The following NUTM1 variants were observed in gnomAD, a reference collection of about 807,000 sequenced individuals.
The protein encoded by NUTM1 is NUT family member 1.
NUTM1 carries 39 observed loss-of-function variants against 88.7 expected under a neutral mutation model. That is an observed-to-expected ratio of 0.44 (90% confidence interval 0.34 to 0.57). The LOEUF is 0.57. Among genes scored for constraint, NUTM1 ranks in the 20% least tolerant of loss-of-function variants. NUTM1 has a pLI of 0.01. For synonymous variants in NUTM1, 494 were observed against 538.0 expected, an observed-to-expected ratio of 0.92 and a Z score of 1.13; for missense variants, 1,350 against 1,414.5, an observed-to-expected ratio of 0.95 and a Z score of 0.73.
rs1444481032 is a variant in NUTM1, at chr15:34,347,884, AAAAAT to A, written c.101-80_101-76del. The A allele has an allele frequency of 7.2e-5, 48 of 666,414 alleles. No individual in the cohort carries two copies. In the African/African-American group the frequency reaches 7.6e-4, roughly 10 times the overall value. The allele number at this position is 666,414 out of a possible 1,614,324, so 41.3% of individuals were successfully genotyped here. On this transcript the variant is annotated intron_variant, in intron 2 of 7. Coordinates refer to ENST00000537011, the MANE Select transcript of NUTM1 (RefSeq NM_001284292.2). ...TAAAAATAAAAATAAAAATAAAAATAAAAATAAAAAAATGGGGAATTCAGATGGCT... is the reference window on the plus strand; with the variant it reads ...TAAAAATAAAAATAAAAATAAAAATAAAAAAAATGGGGAATTCAGATGGCT...
chr15:34,347,930 T>A (rs1193355385), intron 2 of NUTM1, 39 bp from the exon 3 acceptor site: 1 of 1,287,410 alleles, frequency 7.8e-7, no homozygotes, highest in East Asian at 2.4e-5. Flanking sequence ...TGGTCTTCTT[T>A]TCTCCTACTC....
At chr15:34,352,230 C>T (rs978932456) in intron 4 of NUTM1, among the ~76,000 whole-genome samples, 1 of 152,190 alleles carries the variant, frequency 6.6e-6, no homozygotes, top group Non-Finnish European at 1.5e-5. Context: ...CCAAGCTTAG[C>T]TTCCACTTAC....
In NUTM1 at chr15:34,343,691, T is replaced by C. The variant is rs1890528622; in HGVS notation, c.-6T>C. 6.5e-7 allele frequency: 1 copy of C among 1,534,348 alleles called. No individual in the cohort carries two copies. The highest frequency in any genetic ancestry group is 2.0e-5 in the Admixed American group (1 of 50,974). On this transcript the variant is annotated 5_prime_UTR_variant, in exon 1 of 8. Transcript: ENST00000537011. ...GGTCCCTACCGCAAATTCAGCGCTC[T>C]TTCTTATGGTGGTGAGTAGCTAATA...
chr15:34,356,759 T>C lies in NUTM1; in HGVS notation c.2751T>C (p.Asn917=). 1.2e-6 allele frequency: 2 copies of C among 1,612,478 alleles called. No homozygotes were observed. The highest frequency in any genetic ancestry group is 1.7e-6 in the Non-Finnish European group (2 of 1,179,580). ...EASQEAGSRG[N]SFSPLLETIE... The stretch of plus-strand genomic sequence containing the variant: ...GTCAAGAGGCAGGGAGCAGAGGCAA[T>C]TCCTTTTCTCCTCTGTTGGAAACCA... The change falls in exon 8 of 8, where the codon AAT becomes AAC. Residue 917 remains asparagine (N), a synonymous_variant. Coordinates refer to ENST00000537011, the MANE Select transcript of NUTM1 (RefSeq NM_001284292.2).
chr15:34,357,440 G>C lies in NUTM1; in HGVS notation c.3432G>C (p.Arg1144=). ...GACCCTCACAGCCTCGTAAAAGGCGGTGTGACAGTTTTGTCACGGGCAGAA... is the reference window on the plus strand; with the variant it reads ...GACCCTCACAGCCTCGTAAAAGGCGCTGTGACAGTTTTGTCACGGGCAGAA... ...VVRPSQPRKR[R]CDSFVTGRRK... is the part of the protein sequence containing the mutation. Residue 1144 remains arginine (R), a synonymous_variant, in exon 8 of 8, where the codon CGG becomes CGC. Transcript: ENST00000537011. The C allele has an allele frequency of 6.2e-7, 1 of 1,613,198 alleles. No homozygotes were observed. Among genetic ancestry groups the C allele is most frequent in the Non-Finnish European group, 8.5e-7 (1 of 1,179,722 alleles).
rs762364000 is a variant in NUTM1, at chr15:34,345,932, C to T, written c.7-10C>T. 1.2e-6 allele frequency: 2 copies of T among 1,613,904 alleles called. No homozygotes were observed. The highest frequency in any genetic ancestry group is 1.3e-5 in the African/African-American group (1 of 75,034). ...CCTTCCTTGGATCCCTGTGCACCTACTGGAGCCAGGTTACTCTGGGTCCTG... is the reference window on the plus strand; with the variant it reads ...CCTTCCTTGGATCCCTGTGCACCTATTGGAGCCAGGTTACTCTGGGTCCTG... On this transcript the variant is annotated splice_polypyrimidine_tract_variant and intron_variant, in intron 1 of 7. Coordinates refer to ENST00000537011, the MANE Select transcript of NUTM1 (RefSeq NM_001284292.2).
In NUTM1 at chr15:34,357,618, G is replaced by C. The variant is rs1890845678; in HGVS notation, c.*127G>C. 2.5e-6 allele frequency: 4 copies of C among 1,574,530 alleles called. No homozygotes were observed. Among genetic ancestry groups the C allele is most frequent in the Non-Finnish European group, 3.5e-6 (4 of 1,157,076 alleles). ...AATCTCATCCCAATGTTGTTTTGTT[G>C]TTCTGCAAAAGTGGCAAGCATGGAG... is the stretch of plus-strand genomic sequence containing the variant. On this transcript the variant is annotated 3_prime_UTR_variant, in exon 8 of 8. Coordinates refer to ENST00000537011, the MANE Select transcript of NUTM1 (RefSeq NM_001284292.2).
Position 34,357,139 on chromosome 15 carries a change from A to G in NUTM1, c.3131A>G (p.Glu1044Gly), listed in dbSNP as rs910223872. ...AAGGAAGCAGAGGAAGAGGATGAGGAACTCTCCAACTTTGCTTACCTCTTG... is the reference window on the plus strand; with the variant it reads ...AAGGAAGCAGAGGAAGAGGATGAGGGACTCTCCAACTTTGCTTACCTCTTG... Reference protein sequence around the residue: ...KKKEAEEEDEELSNFAYLLAS... With the variant: ...KKKEAEEEDEGLSNFAYLLAS... The change falls in exon 8 of 8, where the codon GAA becomes GGA. Residue 1044 changes from glutamate to glycine, a missense_variant. Transcript: ENST00000537011. 6.2e-7 allele frequency: 1 copy of G among 1,614,076 alleles called. No individual in the cohort carries two copies. Among genetic ancestry groups the G allele is most frequent in the Non-Finnish European group, 8.5e-7 (1 of 1,180,028 alleles).
rs1890818980 is a variant in NUTM1 at position 34,356,670 on chromosome 15, C to T, written c.2662C>T (p.Pro888Ser). 4 of 1,613,814 alleles carry T rather than the reference C, an allele frequency of 2.5e-6. No homozygotes were observed. In the African/African-American group the frequency reaches 4.0e-5, roughly 16 times the overall value. ...GGGGTCTTCCAAAGAAACCCTTCCACCCACATGCCAAGGCAATCTCCTTAT... is the reference window on the plus strand; with the variant it reads ...GGGGTCTTCCAAAGAAACCCTTCCATCCACATGCCAAGGCAATCTCCTTAT... The part of the protein sequence containing the change: ...TLGSSKETLP[P>S]TCQGNLLIMG... The change falls in exon 8 of 8, where the codon CCC becomes TCC. Residue 888 changes from proline (P) to serine (S), a missense_variant. By Grantham distance (74) the Pro-to-Ser change is moderately conservative. Around this residue, in one of 5 missense-constraint regions of NUTM1, gnomAD observed 730 missense variants for 728.8 expected, o/e 1.00. Coordinates refer to ENST00000537011, the MANE Select transcript of NUTM1 (RefSeq NM_001284292.2).
Position 34,343,484 on chromosome 15 carries a change from G to C in NUTM1, c.-213G>C. ...CAGGATTCAGAGCCCCTTTACCCTA[G>C]GGAAGAAAGAAGAGGTTTTCTTCCC... is the stretch of plus-strand genomic sequence containing the variant. On this transcript the variant is annotated 5_prime_UTR_variant, in exon 1 of 8. The change abolishes the stop of an existing upstream ORF in the 5' untranslated region. Transcript: ENST00000537011. 1 of 1,141,278 alleles carries C rather than the reference G, an allele frequency of 8.8e-7. No individual in the cohort carries two copies. Among genetic ancestry groups the C allele is most frequent in the Non-Finnish European group, 1.2e-6 (1 of 820,074 alleles). The allele number at this position is 1,141,278 out of a possible 1,614,324, so 70.7% of individuals were successfully genotyped here. A position where few individuals can be genotyped will look rare whatever the true frequency, so the allele number is the denominator to read the frequency against.
chr15:34,349,911 C>T (rs142769209), intron 3 of NUTM1, among the ~76,000 whole-genome samples: 1,720 of 152,260 alleles, frequency 0.011, 14 homozygotes, highest in Middle Eastern at 0.024. Flanking sequence ...TGCTTTGGGT[C>T]CTGGTCTGCT....
chr15:34,354,789 G>A (rs776807905), intron 6 of NUTM1, 57 bp downstream of exon 6: 184 of 1,554,908 alleles, frequency 1.2e-4, no homozygotes, highest in Non-Finnish European at 1.6e-4. Flanking sequence ...GTACTCCCGG[G>A]AACTAATGAT....
Position 34,343,449 on chromosome 15 carries a change from A to G in NUTM1, c.-248A>G. The G allele has an allele frequency of 1.2e-6, 1 of 800,778 alleles. No homozygotes were observed. Among genetic ancestry groups the G allele is most frequent in the Non-Finnish European group, 1.9e-6 (1 of 520,176 alleles). 49.6% of individuals were successfully genotyped at this position (800,778 alleles called of 1,614,324 possible). ...CAGTGAGTTTTCAATGCCTGAAGAA[A>G]CAAGGGCTCCAGGATTCAGAGCCCC... On this transcript the variant is annotated 5_prime_UTR_variant, in exon 1 of 8. Coordinates refer to ENST00000537011, the MANE Select transcript of NUTM1 (RefSeq NM_001284292.2).
intron 2 of NUTM1, among the ~76,000 whole-genome samples, 162 bp from the exon 3 acceptor site, chr15:34,347,807 T>C (rs912379190): frequency 6.6e-5 from 10 of 152,036 alleles, no homozygotes; most frequent in African/African-American, 2.4e-4. Context: ...GAGCCGAGAT[T>C]GTGCCACTGC....
rs549820703 is a variant in NUTM1, at chr15:34,355,650, G to A, written c.1642G>A (p.Ala548Thr). The A allele has an allele frequency of 4.9e-5, 79 of 1,609,164 alleles. No individual in the cohort carries two copies. Among genetic ancestry groups the A allele is most frequent in the African/African-American group, 2.0e-4 (15 of 74,654 alleles). Residue 548 changes from alanine to threonine, a missense_variant, in exon 8 of 8, where the codon GCC becomes ACC. Ala to Thr is a moderately conservative substitution (Grantham distance 58, BLOSUM62 0). Around this residue, in one of 5 missense-constraint regions of NUTM1, gnomAD observed 126 missense variants for 189.8 expected, o/e 0.66. Coordinates refer to ENST00000537011, the MANE Select transcript of NUTM1 (RefSeq NM_001284292.2). This position sits in a 1 kb window ranked among gnomAD's most constrained non-coding sequence, Gnocchi z 4.3. ...ACCTGGGCTTCAGGGGGCTGGGGGC[G>A]CCGCTTGCCTTGGAAAGGTTTCTTC... ...PSPGLQGAGGAACLGKVSSSG... is the reference protein window; with the variant it reads ...PSPGLQGAGGTACLGKVSSSG...
chr15:34,351,127 C>G (rs1291074546), intron 4 of NUTM1, among the ~76,000 whole-genome samples: 1 of 145,142 alleles, frequency 6.9e-6, no homozygotes, highest in Non-Finnish European at 1.5e-5. Flanking sequence ...ACTCAGGAGG[C>G]TGAGGCAGGA....
Position 34,349,264 on chromosome 15 carries a change from T to A in NUTM1, c.809+587T>A, listed in dbSNP as rs537787468. 7.9e-5 allele frequency among the ~76,000 whole-genome samples: 12 copies of A among 152,334 alleles called. No individual in the cohort carries two copies. The South Asian group carries it at 2.5e-3, about 32-fold the overall frequency. ...GCATGGCTCTACCACTCACTAGATTTGTGATCCTGGGCAGGACATTTAACA... is the reference window on the plus strand; with the variant it reads ...GCATGGCTCTACCACTCACTAGATTAGTGATCCTGGGCAGGACATTTAACA... On this transcript the variant is annotated intron_variant, in intron 3 of 7. Transcript: ENST00000537011.
intron 4 of NUTM1, among the ~76,000 whole-genome samples, chr15:34,353,082 T>C (rs1471977654): frequency 6.6e-6 from 1 of 151,788 alleles, no homozygotes; most frequent in Non-Finnish European, 1.5e-5. Flanking sequence ...AGACGGGGTT[T>C]CACTATGTTG....
chr15:34,353,026 CAG>C (rs1403688602), intron 4 of NUTM1, among the ~76,000 whole-genome samples: 2 of 150,696 alleles, frequency 1.3e-5, no homozygotes, highest in African/African-American at 4.9e-5. Flanking sequence ...GCTGGGATTA[CAG>C]GCACCCACCA....
Sources: allele counts gnomAD v4.1 joint callset (sites outside exome capture counted in the v4.1 genomes callset), GRCh38; gene constraint gnomAD v4.1.1; regional missense constraint gnomAD v4.1.1; non-coding constraint Gnocchi (gnomAD v3.1); transcripts MANE v1.5; gene names NCBI Gene and HGNC (gene_info 2026-07-23, HGNC 2026-07-21).